The following MS4A4A variants were observed in gnomAD, a reference collection of about 807,000 sequenced individuals.
The protein encoded by MS4A4A is membrane-spanning 4-domains subfamily A member 4A.
MS4A4A carries 26 observed loss-of-function variants against 28.0 expected under a neutral mutation model. The observed-to-expected ratio is 0.93, with a 90% CI of 0.68 to 1.29. MS4A4A has a LOEUF of 1.29. Ranked by LOEUF, MS4A4A falls within the 50% of genes most tolerant of loss-of-function variation. MS4A4A has a pLI of 0.00. For missense variants in MS4A4A, 290 were observed against 293.1 expected (o/e 0.99, Z 0.08); for synonymous variants, 86 against 100.8 (o/e 0.85, Z 0.88).
intron 2 of MS4A4A, 86 bp downstream of exon 2, chr11:60,292,470 C>T (rs2084866272): frequency 3.0e-6 from 4 of 1,355,168 alleles, no homozygotes; most frequent in Middle Eastern, 1.9e-4. Context: ...TCCCACTAGC[C>T]TCATAATACA....
chr11:60,289,827 C>A (rs2084838100), intron 1 of MS4A4A, among the ~76,000 whole-genome samples: 1 of 151,964 alleles, frequency 6.6e-6, no homozygotes, highest in African/African-American at 2.4e-5. Flanking sequence ...CTATTTTCAG[C>A]TATTCCTTGT....
At chr11:60,280,837 G>A in intron 1 of MS4A4A, 121 bp downstream of exon 1, 1 of 1,176,628 alleles carries the variant, frequency 8.5e-7, no homozygotes, top group Non-Finnish European at 1.2e-6. Context: ...GACCCAAGCT[G>A]GTATTCAGGG....
In MS4A4A at chr11:60,300,466, A is replaced by C. The variant is rs544951322; in HGVS notation, c.331-535A>C. ...CCCGTCTCTACTAAAAACACAAAAA[A>C]TTAGCCCAGCGTAGTGGCGGGCTCC... On this transcript the variant is annotated intron_variant, in intron 3 of 6. Transcript: ENST00000337908. 2.0e-5 allele frequency among the ~76,000 whole-genome samples: 3 copies of C among 152,114 alleles called. No individual in the cohort carries two copies. In the East Asian group the frequency reaches 5.8e-4, roughly 29 times the overall value.
chr11:60,289,293 C>CT (rs1018579598), intron 1 of MS4A4A, among the ~76,000 whole-genome samples: 15 of 152,106 alleles, frequency 9.9e-5, no homozygotes, highest in African/African-American at 2.9e-4. Context: ...TGTGAAGACT[C>CT]TAAGTGTCTC....
At chr11:60,301,696 C>T (rs369024945) in intron 4 of MS4A4A, among the ~76,000 whole-genome samples, 63 of 152,290 alleles carry the variant, frequency 4.1e-4, no homozygotes, top group African/African-American at 1.4e-3. Flanking sequence ...CCTAGTGTCC[C>T]CTCCGGCTGC....
intron 2 of MS4A4A, among the ~76,000 whole-genome samples, chr11:60,295,916 A>T (rs959812242): frequency 6.6e-6 from 1 of 151,892 alleles, no homozygotes; most frequent in Non-Finnish European, 1.5e-5. Flanking sequence ...ATTTTTGCAT[A>T]TTTGTTCATC....
chr11:60,297,185 C>T lies in MS4A4A; in HGVS notation c.202-12C>T. 1 of 1,612,302 alleles carries T rather than the reference C, an allele frequency of 6.2e-7. No individual in the cohort carries two copies. The highest frequency in any genetic ancestry group is 1.1e-5 in the South Asian group (1 of 91,026). ...GTGGACAATCAGTTTTTGCTTTCTT[C>T]ACCATTTTTAGGTTGTGCAGATTCT... On this transcript the variant is annotated splice_polypyrimidine_tract_variant and intron_variant, in intron 2 of 6. Coordinates refer to ENST00000337908, the MANE Select transcript of MS4A4A (RefSeq NM_148975.3).
intron 6 of MS4A4A, among the ~76,000 whole-genome samples, chr11:60,307,459 G>T (rs2085013508): frequency 6.6e-6 from 1 of 152,166 alleles, no homozygotes; most frequent in Non-Finnish European, 1.5e-5. Context: ...TGAAACGTTT[G>T]GACATGGAGG....
intron 2 of MS4A4A, among the ~76,000 whole-genome samples, chr11:60,293,434 T>C (rs547422824): frequency 6.6e-6 from 1 of 152,342 alleles, no homozygotes; most frequent in Non-Finnish European, 1.5e-5. Context: ...CATATGCCCC[T>C]TGCCCCCACA....
At chr11:60,299,057 T>C (rs768826508) in intron 3 of MS4A4A, among the ~76,000 whole-genome samples, 1 of 152,208 alleles carries the variant, frequency 6.6e-6, no homozygotes, top group African/African-American at 2.4e-5. Flanking sequence ...TACTTTTTCC[T>C]GTGGCAAATG....
intron 3 of MS4A4A, among the ~76,000 whole-genome samples, chr11:60,299,406 T>C (rs2084931502): frequency 6.6e-6 from 1 of 151,630 alleles, no homozygotes. Flanking sequence ...TAAAGACTTT[T>C]AGACTGAGAC....
At chr11:60,303,663 G>C (rs2084972792) in intron 5 of MS4A4A, among the ~76,000 whole-genome samples, 1 of 152,050 alleles carries the variant, frequency 6.6e-6, no homozygotes, top group Non-Finnish European at 1.5e-5. Flanking sequence ...AGCCGAGATG[G>C]ACACATTGCA....
intron 3 of MS4A4A, among the ~76,000 whole-genome samples, chr11:60,300,567 G>T (rs182299961): frequency 0.011 from 1,434 of 130,096 alleles, 24 homozygotes; most frequent in African/African-American, 0.036. Context: ...AGTGAGCCGA[G>T]ATTGCCCCAC....
chr11:60,304,265 A>T (rs1357238746), intron 5 of MS4A4A, among the ~76,000 whole-genome samples: 1 of 152,232 alleles, frequency 6.6e-6, no homozygotes, highest in East Asian at 1.9e-4. Context: ...GAATTGGCCA[A>T]CTTGATAGGG....
At chr11:60,285,258 C>G (rs1376300608) in intron 1 of MS4A4A, among the ~76,000 whole-genome samples, 1 of 152,088 alleles carries the variant, frequency 6.6e-6, no homozygotes, top group African/African-American at 2.4e-5. Flanking sequence ...AATCCCAGCA[C>G]TACTGGATGC....
intron 1 of MS4A4A, among the ~76,000 whole-genome samples, chr11:60,288,176 C>T (rs1341876886): frequency 6.6e-6 from 1 of 152,230 alleles, no homozygotes; most frequent in Non-Finnish European, 1.5e-5. Context: ...TTTGAAGTGG[C>T]TCCACTCCCA....
chr11:60,305,705 C>T (rs1303312505), intron 5 of MS4A4A: 1 of 160,130 alleles, frequency 6.2e-6, no homozygotes, highest in East Asian at 1.8e-4. Context: ...TTCTAATCTC[C>T]AGAAGCTGAG....
chr11:60,294,892 A>ACTACTACTTCTTCTTCTTCTTCTT (rs60374079), intron 2 of MS4A4A, among the ~76,000 whole-genome samples: 4,531 of 130,282 alleles, frequency 0.035, 212 homozygotes, highest in South Asian at 0.058. Flanking sequence ...TACAACTACT[A>ACTACTACTTCTTCTTCTTCTTCTT]CTTCTTCTTC....
chr11:60,301,120 C>T, intron 4 of MS4A4A, 63 bp downstream of exon 4: 2 of 1,288,482 alleles, frequency 1.6e-6, no homozygotes, highest in Non-Finnish European at 2.1e-6. Flanking sequence ...ATGTATTCTG[C>T]CAGGGTGTAA....
Sources: allele counts gnomAD v4.1 joint callset (sites outside exome capture counted in the v4.1 genomes callset), GRCh38; gene constraint gnomAD v4.1.1; transcripts MANE v1.5; gene names NCBI Gene and HGNC (gene_info 2026-07-23, HGNC 2026-07-21).